PARP11: variants seen among roughly 807,000 people sequenced by gnomAD.
The protein encoded by PARP11 is protein mono-ADP-ribosyltransferase PARP11.
PARP11 carries 31 observed loss-of-function variants against 42.9 expected under a neutral mutation model. The ratio of observed to expected loss-of-function variants is 0.72; its 90% CI spans 0.54 to 0.98. The LOEUF is 0.98. Ranked by LOEUF, PARP11 falls within the 50% of genes least tolerant of loss-of-function variation. The probability of loss-of-function intolerance (pLI) is 0.00; values close to 1 mark genes in which losing one functional copy is unlikely to be tolerated. For synonymous variants in PARP11, 137 were observed against 127.3 expected (o/e 1.08, Z -0.51); for missense variants, 365 against 413.1 (o/e 0.88, Z 1.01).
intron 6 of PARP11, among the ~76,000 whole-genome samples, chr12:3,816,322 G>A (rs772093185): frequency 3.3e-5 from 5 of 152,146 alleles, no homozygotes; most frequent in African/African-American, 9.7e-5. Flanking sequence ...TCCCTCACAA[G>A]TGTGATAAGC....
intron 1 of PARP11, 66 bp downstream of exon 1, chr12:3,873,145 AC>A (rs1322845028): frequency 8.9e-6 from 12 of 1,343,584 alleles, no homozygotes; most frequent in Non-Finnish European, 1.2e-5. Flanking sequence ...AGTTCCGGTG[AC>A]CCCCTCCCGC....
chr12:3,850,367 G>A (rs1948075871), intron 1 of PARP11, among the ~76,000 whole-genome samples: 1 of 152,050 alleles, frequency 6.6e-6, no homozygotes, highest in Non-Finnish European at 1.5e-5. Flanking sequence ...AAAACTTTTT[G>A]AGACTTTACA....
rs1947870566 is a variant in PARP11 at position 3,840,814 on chromosome 12, T to C, written c.19-10796A>G. 1.1e-5 allele frequency: 17 copies of C among 1,593,160 alleles called. No homozygotes were observed. Among genetic ancestry groups the C allele is most frequent in the Non-Finnish European group, 1.5e-5 (17 of 1,160,866 alleles). On this transcript the variant is annotated intron_variant, in intron 1 of 7. Coordinates refer to ENST00000228820, the MANE Select transcript of PARP11 (RefSeq NM_020367.6). The surrounding 1 kb of genome is among the most constrained non-coding windows in gnomAD (Gnocchi z 4.4). Reference sequence around the variant, plus strand: ...TAAATATGCAACAGTTTCATCACCATCAAAGTCAAAGAAGTTAGAGTGCCC... The same window carrying C: ...TAAATATGCAACAGTTTCATCACCACCAAAGTCAAAGAAGTTAGAGTGCCC...
intron 7 of PARP11, 114 bp from the exon 8 acceptor site, chr12:3,812,553 G>A (rs920110764): frequency 4.0e-6 from 3 of 741,354 alleles, no homozygotes; most frequent in African/African-American, 3.6e-5. Context: ...AAAAATAGAT[G>A]TGGAATTTCC....
At chr12:3,826,268 A>G (rs752828070) in intron 3 of PARP11, 35 bp from the exon 4 acceptor site, 1 of 1,435,926 alleles carries the variant, frequency 7.0e-7, no homozygotes. Context: ...ATAAGTCATA[A>G]AAGTACACTG....
At position 3,826,140 on chromosome 12, in the gene PARP11, C is replaced by A; in HGVS notation, c.344+18G>T. On this transcript the variant is annotated intron_variant, in intron 4 of 7. Transcript: ENST00000228820. ...AAAAAAAAACCCACTCTTTCCACCC[C>A]TATTCTCTTTACCATACCTGAAAGC... is the stretch of plus-strand genomic sequence containing the variant. 6.6e-7 allele frequency: 1 copy of A among 1,513,174 alleles called. No individual in the cohort carries two copies. Among genetic ancestry groups the A allele is most frequent in the South Asian group, 1.2e-5 (1 of 82,440 alleles). The allele number at this position is 1,513,174 out of a possible 1,614,324, so 93.7% of individuals were successfully genotyped here.
chr12:3,852,241 G>A (rs1192635445), intron 1 of PARP11, among the ~76,000 whole-genome samples: 2 of 152,170 alleles, frequency 1.3e-5, no homozygotes, highest in Admixed American at 6.5e-5. Flanking sequence ...CCAAAGGAAC[G>A]CAGCTCCTTG....
chr12:3,818,069 A>G (rs1286974206), intron 6 of PARP11, among the ~76,000 whole-genome samples: 2 of 152,140 alleles, frequency 1.3e-5, no homozygotes, highest in East Asian at 1.9e-4. Flanking sequence ...CTGCCCTTAC[A>G]TTTGTACTGC....
rs1323456195 is a variant in PARP11 at position 3,809,912 on chromosome 12, C to G, written c.*2211G>C. On this transcript the variant is annotated 3_prime_UTR_variant, in exon 8 of 8. Coordinates refer to ENST00000228820, the MANE Select transcript of PARP11 (RefSeq NM_020367.6). ...TCTAAACCAGCAGCTGGGGTGCATA[C>G]CTGAGCCAGGAAATCTTTGTTGCCA... is the stretch of plus-strand genomic sequence containing the variant. The G allele has an allele frequency of 1.3e-5, 2 of 152,148 alleles. No homozygotes were observed. The highest frequency in any genetic ancestry group is 4.8e-5 in the African/African-American group (2 of 41,428). 9.4% of individuals were successfully genotyped at this position (152,148 alleles called of 1,614,324 possible). A position where few individuals can be genotyped will look rare whatever the true frequency, so the allele number is the denominator to read the frequency against.
At chr12:3,839,841 T>A (rs1205457834) in intron 1 of PARP11, 1 of 1,134,350 alleles carries the variant, frequency 8.8e-7, no homozygotes, top group Non-Finnish European at 1.3e-6. Context: ...TTAAAACTGA[T>A]GTTAGTAAAA....
chr12:3,825,307 C>A (rs1051267176), intron 4 of PARP11, among the ~76,000 whole-genome samples: 4 of 152,026 alleles, frequency 2.6e-5, no homozygotes. Flanking sequence ...CCAGAGCAAG[C>A]AAAAAAGAAA....
rs566545197 is a variant in PARP11, at chr12:3,823,482, C to T, written c.345-1325G>A. 4.6e-5 allele frequency among the ~76,000 whole-genome samples: 7 copies of T among 152,098 alleles called. No individual in the cohort carries two copies. The East Asian group carries it at 9.6e-4, about 21-fold the overall frequency. ...AGAGCATCATTATTCCTAGTGCTTA[C>T]GACAGAGCCTGGCACATAGTACACA... On this transcript the variant is annotated intron_variant, in intron 4 of 7. Coordinates refer to ENST00000228820, the MANE Select transcript of PARP11 (RefSeq NM_020367.6).
At chr12:3,828,539 C>G (rs1422802717) in intron 3 of PARP11, among the ~76,000 whole-genome samples, 1 of 125,032 alleles carries the variant, frequency 8.0e-6, no homozygotes, top group South Asian at 2.7e-4. Flanking sequence ...CACAGTGAGA[C>G]GTCTCAAAAA....
At chr12:3,851,062 C>A (rs1297913089) in intron 1 of PARP11, among the ~76,000 whole-genome samples, 4 of 152,136 alleles carry the variant, frequency 2.6e-5, no homozygotes, top group African/African-American at 9.7e-5. Flanking sequence ...TCATGATGAA[C>A]TGAAAATTGA....
chr12:3,838,897 C>G (rs944257296), intron 1 of PARP11, among the ~76,000 whole-genome samples: 1 of 152,282 alleles, frequency 6.6e-6, no homozygotes, highest in African/African-American at 2.4e-5. Flanking sequence ...CCGGCGTGCG[C>G]GCCTGGGGCG....
intron 1 of PARP11, among the ~76,000 whole-genome samples, chr12:3,830,370 T>TG (rs1293513801): frequency 2.6e-5 from 4 of 152,206 alleles, no homozygotes; most frequent in African/African-American, 9.6e-5. Flanking sequence ...AAAGGACCCA[T>TG]GCTATCACGC....
chr12:3,813,007 G>T (rs1947215593), intron 7 of PARP11, among the ~76,000 whole-genome samples: 1 of 152,134 alleles, frequency 6.6e-6, no homozygotes, highest in South Asian at 2.1e-4. Context: ...GTTTCACCAT[G>T]TTGGCCAGGC....
intron 6 of PARP11, among the ~76,000 whole-genome samples, chr12:3,817,740 C>T (rs1947320614): frequency 6.6e-6 from 1 of 152,208 alleles, no homozygotes; most frequent in Admixed American, 6.5e-5. Context: ...ATGCCACATG[C>T]TCTGCACTGG....
At chr12:3,842,079 C>CAG (rs910503362) in intron 1 of PARP11, 24 of 1,605,000 alleles carry the variant, frequency 1.5e-5, no homozygotes, top group Admixed American at 1.0e-4. Context: ...AGATTCTAAA[C>CAG]AGAGAGAGAG....
Sources: allele counts gnomAD v4.1 joint callset (sites outside exome capture counted in the v4.1 genomes callset), GRCh38; gene constraint gnomAD v4.1.1; non-coding constraint Gnocchi (gnomAD v3.1); transcripts MANE v1.5; gene names NCBI Gene and HGNC (gene_info 2026-07-23, HGNC 2026-07-21).